Variants in VPS26A observed in about 807,000 individuals in gnomAD.
VPS26A encodes the protein vacuolar protein sorting-associated protein 26A.
VPS26A carries 22 observed loss-of-function variants against 42.4 expected under a neutral mutation model. The observed-to-expected ratio is 0.52, with a 90% CI of 0.37 to 0.74. VPS26A has a LOEUF of 0.74. Ranked by LOEUF, VPS26A falls within the 30% of genes least tolerant of loss-of-function variation. The pLI, the probability that VPS26A is intolerant of heterozygous loss-of-function variation, is 0.00. For missense variants in VPS26A, 276 were observed against 379.2 expected (o/e 0.73, Z 2.26); for synonymous variants, 110 against 123.5 (o/e 0.89, Z 0.73).
chr10:69,167,858 G>A (rs775283377), intron 7 of VPS26A, among the ~76,000 whole-genome samples: 2 of 151,742 alleles, frequency 1.3e-5, no homozygotes, highest in Non-Finnish European at 2.9e-5. Flanking sequence ...CATTCTGTCC[G>A]TTTTTAGCTT....
In VPS26A at chr10:69,168,647, G is replaced by C. The variant is rs1841746315; in HGVS notation, c.870+16G>C. The C allele has an allele frequency of 6.2e-7, 1 of 1,611,882 alleles. No homozygotes were observed. Among genetic ancestry groups the C allele is most frequent in the African/African-American group, 1.3e-5 (1 of 74,952 alleles). On this transcript the variant is annotated intron_variant, in intron 8 of 8. Coordinates refer to ENST00000263559, the MANE Select transcript of VPS26A (RefSeq NM_004896.5). ...CAAACAGCAGGTATGGTGCCACTTGGGCTGGTATTATGTTCTGCGGCAGAT... is the reference window on the plus strand; with the variant it reads ...CAAACAGCAGGTATGGTGCCACTTGCGCTGGTATTATGTTCTGCGGCAGAT...
At chr10:69,163,620 C>G (rs1841611023) in intron 6 of VPS26A, among the ~76,000 whole-genome samples, 1 of 152,074 alleles carries the variant, frequency 6.6e-6, no homozygotes, top group African/African-American at 2.4e-5. Context: ...CTTATGGATT[C>G]TTTTTCCCCC....
At chr10:69,170,943 G>A (rs1168797702) in intron 8 of VPS26A, among the ~76,000 whole-genome samples, 1 of 152,146 alleles carries the variant, frequency 6.6e-6, no homozygotes, top group African/African-American at 2.4e-5. Context: ...GATTGGTGGT[G>A]GTGGAATGCA....
chr10:69,169,579 G>T (rs1841770190), intron 8 of VPS26A, among the ~76,000 whole-genome samples: 1 of 151,954 alleles, frequency 6.6e-6, no homozygotes, highest in African/African-American at 2.4e-5. Flanking sequence ...TTACAGGCGT[G>T]AGCCACCATG....
chr10:69,150,416 C>T (rs950639427), intron 2 of VPS26A, among the ~76,000 whole-genome samples: 7 of 148,924 alleles, frequency 4.7e-5, no homozygotes, highest in African/African-American at 1.0e-4. Flanking sequence ...ATTTTCTTTT[C>T]TTTTTTGAGA....
intron 2 of VPS26A, chr10:69,133,472 C>T: frequency 1.0e-6 from 1 of 983,128 alleles, no homozygotes; most frequent in Non-Finnish European, 1.3e-6. Flanking sequence ...GGTTTTTTTA[C>T]ATTCTTTGTA....
At chr10:69,169,327 A>G (rs1841763780) in intron 8 of VPS26A, among the ~76,000 whole-genome samples, 1 of 152,100 alleles carries the variant, frequency 6.6e-6, no homozygotes, top group South Asian at 2.1e-4. Flanking sequence ...CCTCTTGAGT[A>G]GCTGGGAGGT....
At position 69,149,727 on chromosome 10, in the gene VPS26A, G is replaced by GTTTTTTTTTTT. The variant is rs151136046; in HGVS notation, c.154-6079_154-6078insTTTTTTTTTTT. Among the ~76,000 whole-genome samples the GTTTTTTTTTTT allele has an allele frequency of 2.7e-4, 25 of 93,946 alleles. 2 individuals are homozygous for GTTTTTTTTTTT. The highest frequency in any genetic ancestry group is 9.3e-4 in the East Asian group (3 of 3,228). The allele number at this position is 93,946 out of a possible 152,430, so 61.6% of individuals were successfully genotyped here. A position where few individuals can be genotyped will look rare whatever the true frequency, so the allele number is the denominator to read the frequency against. On this transcript the variant is annotated intron_variant, in intron 2 of 8. Transcript: ENST00000263559. The stretch of plus-strand genomic sequence containing the variant: ...ACCATGGAATGTTAACTTTCTTGGT[G>GTTTTTTTTTTT]TTTTTTGTTTTTTTTTTTTTTTTTT...
intron 2 of VPS26A, among the ~76,000 whole-genome samples, chr10:69,134,686 A>G (rs2132191758): frequency 6.7e-6 from 1 of 150,042 alleles, no homozygotes; most frequent in Non-Finnish European, 1.5e-5. Flanking sequence ...TTTGTACTGC[A>G]TTGTCTCTTC....
chr10:69,159,355 T>C (rs2132229136), intron 5 of VPS26A, among the ~76,000 whole-genome samples: 1 of 148,660 alleles, frequency 6.7e-6, no homozygotes, highest in East Asian at 2.0e-4. Context: ...CAGTCCAGCC[T>C]GGGTGACAGA....
chr10:69,138,044 C>T (rs1026599006), intron 2 of VPS26A, among the ~76,000 whole-genome samples: 6 of 152,284 alleles, frequency 3.9e-5, no homozygotes, highest in Admixed American at 6.5e-5. Context: ...CTTCCAGTCT[C>T]TGACAACCCC....
intron 7 of VPS26A, among the ~76,000 whole-genome samples, chr10:69,168,026 C>G (rs1841730621): frequency 6.6e-6 from 1 of 152,122 alleles, no homozygotes; most frequent in African/African-American, 2.4e-5. Context: ...CTTACACATT[C>G]CTTGTGAATA....
chr10:69,153,707 AG>A (rs1841370618), intron 2 of VPS26A, among the ~76,000 whole-genome samples: 1 of 152,126 alleles, frequency 6.6e-6, no homozygotes, highest in Non-Finnish European at 1.5e-5. Context: ...CAAATTAAAA[AG>A]TTATAAATTT....
At position 69,171,356 on chromosome 10, in the gene VPS26A, G is replaced by A; in HGVS notation, c.*87G>A. 1.6e-6 allele frequency: 2 copies of A among 1,284,674 alleles called. No homozygotes were observed. The highest frequency in any genetic ancestry group is 2.2e-6 in the Non-Finnish European group (2 of 916,504). The allele number at this position is 1,284,674 out of a possible 1,614,324, so 79.6% of individuals were successfully genotyped here. ...AGGTTAAAGATGGTTGCAGCTGGAGGGGGCGGAAAAAGGCCAAAACTCCAT... is the reference window on the plus strand; with the variant it reads ...AGGTTAAAGATGGTTGCAGCTGGAGAGGGCGGAAAAAGGCCAAAACTCCAT... On this transcript the variant is annotated 3_prime_UTR_variant, in exon 9 of 9. Coordinates refer to ENST00000263559, the MANE Select transcript of VPS26A (RefSeq NM_004896.5).
At chr10:69,168,792 TGATA>T (rs1841750453) in intron 8 of VPS26A, among the ~76,000 whole-genome samples, 161 bp downstream of exon 8, 1 of 152,188 alleles carries the variant, frequency 6.6e-6, no homozygotes, top group Non-Finnish European at 1.5e-5. Flanking sequence ...TAGAATCCTA[TGATA>T]GATCCCTCCC....
rs869048277 is a variant in VPS26A at position 69,149,734 on chromosome 10, G to GTTTTTTTTT, written c.154-6056_154-6048dup. ...AATGTTAACTTTCTTGGTGTTTTTT[G>GTTTTTTTTT]TTTTTTTTTTTTTTTTTTTTTTTTT... On this transcript the variant is annotated intron_variant, in intron 2 of 8. Transcript: ENST00000263559. 8.2e-3 allele frequency among the ~76,000 whole-genome samples: 175 copies of GTTTTTTTTT among 21,308 alleles called. 7 individuals are homozygous for GTTTTTTTTT. Among genetic ancestry groups the GTTTTTTTTT allele is most frequent in the African/African-American group, 0.012 (136 of 10,958 alleles). The allele number at this position is 21,308 out of a possible 152,430, so 14.0% of individuals were successfully genotyped here.
At position 69,172,786 on chromosome 10, in the gene VPS26A, A is replaced by G. The variant is rs556810721; in HGVS notation, c.*1517A>G. On this transcript the variant is annotated 3_prime_UTR_variant, in exon 9 of 9. Coordinates refer to ENST00000263559, the MANE Select transcript of VPS26A (RefSeq NM_004896.5). ...AGTAAGCCAGAAAATATTCAAAGAG[A>G]TTTTGAAAACCAATTGTATTTAACC... 6.5e-6 allele frequency: 1 copy of G among 152,754 alleles called. No individual in the cohort carries two copies. The highest frequency in any genetic ancestry group is 2.4e-5 in the African/African-American group (1 of 41,580). 9.5% of individuals were successfully genotyped at this position (152,754 alleles called of 1,614,324 possible).
At chr10:69,148,651 G>A (rs12259019) in intron 2 of VPS26A, among the ~76,000 whole-genome samples, 6,356 of 152,100 alleles carry the variant, frequency 0.042, 468 homozygotes, top group African/African-American at 0.14. Context: ...GTAGAATAAT[G>A]TAACTCCTTA....
intron 7 of VPS26A, 46 bp downstream of exon 7, chr10:69,166,156 TG>T (rs1389084138): frequency 3.3e-6 from 5 of 1,531,662 alleles, no homozygotes; most frequent in Non-Finnish European, 2.7e-6. Context: ...CAAACATCAG[TG>T]TTCATGGCAG....
Sources: allele counts gnomAD v4.1 joint callset (sites outside exome capture counted in the v4.1 genomes callset), GRCh38; gene constraint gnomAD v4.1.1; transcripts MANE v1.5; gene names NCBI Gene and HGNC (gene_info 2026-07-23, HGNC 2026-07-21).